PITRM1: variants seen among roughly 807,000 people sequenced by gnomAD.
PITRM1 encodes pitrilysin metallopeptidase 1.
Under a neutral mutation model 129.9 loss-of-function variants are expected in PITRM1, and 100 were observed. The ratio of observed to expected loss-of-function variants is 0.77; its 90% CI spans 0.65 to 0.91. PITRM1 has a LOEUF of 0.91. Ranked by LOEUF, PITRM1 falls within the 40% of genes least tolerant of loss-of-function variation. PITRM1 has a pLI of 0.00. For synonymous variants in PITRM1, 591 were observed against 508.8 expected (o/e 1.16, Z -2.17); for missense variants, 1,471 against 1,318.3 (o/e 1.12, Z -1.79).
intron 23 of PITRM1, chr10:3,142,842 G>A (rs1840396438): frequency 6.5e-6 from 1 of 154,800 alleles, no homozygotes; most frequent in African/African-American, 2.4e-5. Flanking sequence ...GGACCACCTG[G>A]TTTCTCCCCA....
intron 20 of PITRM1, 165 bp downstream of exon 20, chr10:3,146,985 A>C (rs2132391319): frequency 2.1e-6 from 1 of 466,526 alleles, no homozygotes; most frequent in African/African-American, 2.0e-5. Flanking sequence ...AACTTTTAAT[A>C]GGCTTAAAAT....
intron 15 of PITRM1, among the ~76,000 whole-genome samples, chr10:3,149,967 G>A (rs748145153): frequency 2.6e-5 from 4 of 152,050 alleles, no homozygotes; most frequent in Admixed American, 6.6e-5. Flanking sequence ...GAATGGGAAC[G>A]GAAGGATGGA....
At chr10:3,142,810 C>G (rs79499068) in intron 23 of PITRM1, among the ~76,000 whole-genome samples, 2,268 of 152,314 alleles carry the variant, frequency 0.015, 24 homozygotes, top group Non-Finnish European at 0.024. Flanking sequence ...GCCTCCAGCC[C>G]TGCCATCTGC....
At chr10:3,163,192 T>C (rs1401840381) in intron 7 of PITRM1, 1 of 152,234 alleles carries the variant, frequency 6.6e-6, no homozygotes, top group African/African-American at 2.4e-5. Context: ...GCAAATATGT[T>C]TTTACATTAG....
Position 3,159,890 on chromosome 10 carries a change from G to A in PITRM1, c.965C>T (p.Pro322Leu). ...AACGCTGATGGTTGTTTGTTTAGAGGGATCTGTAGCAAATGAATCCGGGCC... is the reference window on the plus strand; with the variant it reads ...AACGCTGATGGTTGTTTGTTTAGAGAGATCTGTAGCAAATGAATCCGGGCC... ...TCGPDSFATD[P>L]SKQTTISVSF... The change falls in exon 9 of 27, where the codon CCC (proline) becomes CTC (leucine). Residue 322 changes from proline (P) to leucine (L), a missense_variant. By Grantham distance (98) the Pro-to-Leu change is moderately conservative (BLOSUM62 -3). Transcript: ENST00000224949. The A allele has an allele frequency of 6.2e-7, 1 of 1,606,012 alleles. No individual in the cohort carries two copies. Among genetic ancestry groups the A allele is most frequent in the Non-Finnish European group, 8.5e-7 (1 of 1,175,656 alleles).
At chr10:3,163,998 T>G in intron 6 of PITRM1, 113 bp from the exon 7 acceptor site, 1 of 596,428 alleles carries the variant, frequency 1.7e-6, no homozygotes, top group South Asian at 3.1e-5. Flanking sequence ...TGTAATACTT[T>G]GCAAATAAAG....
At chr10:3,149,283 A>G (rs944530974) in intron 16 of PITRM1, 9 of 194,852 alleles carry the variant, frequency 4.6e-5, no homozygotes, top group Non-Finnish European at 8.4e-5. Flanking sequence ...CGCAGCAGGC[A>G]CACCTGTTCC....
chr10:3,172,193 C>T (rs944066712), intron 1 of PITRM1: 3 of 456,692 alleles, frequency 6.6e-6, no homozygotes, highest in African/African-American at 6.0e-5. Flanking sequence ...TTATATTAAA[C>T]ACGGGCTCGT....
At chr10:3,170,301 G>T in intron 1 of PITRM1, 95 bp from the exon 2 acceptor site, 1 of 818,726 alleles carries the variant, frequency 1.2e-6, no homozygotes, top group Non-Finnish European at 1.9e-6. Flanking sequence ...ATGTAATAAA[G>T]ATTATTAAAG....
intron 9 of PITRM1, 51 bp downstream of exon 9, chr10:3,159,797 A>G (rs1169486725): frequency 1.8e-6 from 2 of 1,090,130 alleles, no homozygotes; most frequent in Admixed American, 3.9e-5. Flanking sequence ...TCTAATAGGA[A>G]CATTTTCCTC....
chr10:3,148,552 G>C (rs1841163401), intron 16 of PITRM1: 1 of 434,198 alleles, frequency 2.3e-6, no homozygotes, highest in Non-Finnish European at 4.1e-6. Flanking sequence ...TGGGCAGCCA[G>C]TGTCTGCACT....
At chr10:3,163,610 T>A (rs191406384) in intron 7 of PITRM1, 115 bp downstream of exon 7, 7 of 911,284 alleles carry the variant, frequency 7.7e-6, no homozygotes. Flanking sequence ...TTACCTAGAC[T>A]TAGATATTTC....
chr10:3,148,150 C>T (rs757457930), intron 17 of PITRM1, 21 bp downstream of exon 17: 102 of 1,613,718 alleles, frequency 6.3e-5, no homozygotes, highest in Non-Finnish European at 7.5e-5. Flanking sequence ...CCGCAGCAGT[C>T]GTCTGACGGT....
intron 14 of PITRM1, among the ~76,000 whole-genome samples, chr10:3,154,798 C>G (rs1841830215): frequency 6.6e-6 from 1 of 152,084 alleles, no homozygotes; most frequent in African/African-American, 2.4e-5. Context: ...ATTTGGGTCC[C>G]CTTCTCTCCC....
rs534536142 is a variant in PITRM1 at position 3,138,928 on chromosome 10, C to T, written c.2893G>A (p.Ala965Thr). The T allele has an allele frequency of 5.5e-5, 89 of 1,613,944 alleles. 3 individuals are homozygous for T. The African/African-American group carries it at 7.2e-4, about 13-fold the overall frequency. The change falls in exon 25 of 27, where the codon GCT becomes ACT. Residue 965 changes from alanine (A) to threonine (T), a missense_variant. Physicochemically the swap from Ala to Thr is moderately conservative, Grantham distance 58. Coordinates refer to ENST00000224949, the MANE Select transcript of PITRM1 (RefSeq NM_014889.4). ...CCTTTGTCTGAAGGAGCGACAGGAGCATCTACGGTTGAGAAGACAGAAAGT... is the reference window on the plus strand; with the variant it reads ...CCTTTGTCTGAAGGAGCGACAGGAGTATCTACGGTTGAGAAGACAGAAAGT... ...AKLSVFSTVDAPVAPSDKGMD... is the reference protein window; with the variant it reads ...AKLSVFSTVDTPVAPSDKGMD...
chr10:3,153,267 G>A (rs1233724049), intron 14 of PITRM1, among the ~76,000 whole-genome samples: 1 of 152,206 alleles, frequency 6.6e-6, no homozygotes, highest in Non-Finnish European at 1.5e-5. Flanking sequence ...CTGAGGCCAG[G>A]CCACGAATAT....
chr10:3,138,418 A>G (rs185954692), intron 25 of PITRM1, 81 bp from the exon 26 acceptor site: 1 of 896,834 alleles, frequency 1.1e-6, no homozygotes, highest in African/African-American at 1.6e-5. Context: ...CCCGGAGGGG[A>G]CACAGGCATC....
At chr10:3,171,433 T>C (rs1414600783) in intron 1 of PITRM1, among the ~76,000 whole-genome samples, 21 of 151,920 alleles carry the variant, frequency 1.4e-4, no homozygotes. Context: ...AATCTTCAAC[T>C]TGGTCACAGG....
chr10:3,147,211 T>G lies in PITRM1; in HGVS notation c.2275A>C (p.Lys759Gln). Reference protein sequence around the residue: ...MKRIAEMTDIKPILRKLPRIK... With the variant: ...MKRIAEMTDIQPILRKLPRIK... ...CGCGGGAGCTTCCTCAGGATGGGTT[T>G]GATATCTGTCATTTCTGCAATCCTC... The change falls in exon 20 of 27, where the codon AAA becomes CAA. Residue 759 changes from lysine (K) to glutamine (Q), a missense_variant. By Grantham distance (53) the Lys-to-Gln change is moderately conservative (BLOSUM62 1). Transcript: ENST00000224949. 1 of 1,613,058 alleles carries G rather than the reference T, an allele frequency of 6.2e-7. No individual in the cohort carries two copies. Among genetic ancestry groups the G allele is most frequent in the Non-Finnish European group, 8.5e-7 (1 of 1,179,030 alleles).
Sources: allele counts gnomAD v4.1 joint callset (sites outside exome capture counted in the v4.1 genomes callset), GRCh38; gene constraint gnomAD v4.1.1; transcripts MANE v1.5; gene names NCBI Gene and HGNC (gene_info 2026-07-23, HGNC 2026-07-21).